Variants in MARS1 observed in about 807,000 individuals in gnomAD.
MARS1 encodes methionine--tRNA ligase, cytoplasmic.
Under a neutral mutation model 119.5 loss-of-function variants are expected in MARS1, and 80 were observed. The ratio of observed to expected loss-of-function variants is 0.67; its 90% CI spans 0.56 to 0.81. MARS1 has a LOEUF of 0.81. Among genes scored for constraint, MARS1 ranks in the 30% least tolerant of loss-of-function variants. MARS1 has a pLI of 0.00. For missense variants in MARS1, 945 were observed against 1,116.5 expected, an observed-to-expected ratio of 0.85 and a Z score of 2.19; for synonymous variants, 418 against 433.4, an observed-to-expected ratio of 0.96 and a Z score of 0.44.
chr12:57,498,119 T>C, intron 7 of MARS1, 38 bp from the exon 8 acceptor site: 1 of 1,359,632 alleles, frequency 7.4e-7, no homozygotes, highest in Non-Finnish European at 1.1e-6. Context: ...GACCCTCACA[T>C]CCCCCCATGC....
At chr12:57,493,478 A>ATAT (rs1353074433) in intron 7 of MARS1, among the ~76,000 whole-genome samples, 11 of 658 alleles carry the variant, frequency 0.017, 2 homozygotes, top group Admixed American at 0.083. Flanking sequence ...AATATATAAT[A>ATAT]TATAATATAT....
At chr12:57,493,032 A>G (rs1208352765) in intron 7 of MARS1, among the ~76,000 whole-genome samples, 3 of 151,936 alleles carry the variant, frequency 2.0e-5, no homozygotes, top group African/African-American at 7.3e-5. Flanking sequence ...CTCTTCTTGC[A>G]GAGAGGAGTT....
chr12:57,495,200 G>A (rs1192327392), intron 7 of MARS1, among the ~76,000 whole-genome samples: 1 of 150,418 alleles, frequency 6.6e-6, no homozygotes, highest in African/African-American at 2.4e-5. Context: ...GGATGGGGCG[G>A]CTGGCCAGGC....
In MARS1 at chr12:57,511,709, A is replaced by C. The variant is rs969557452; in HGVS notation, c.1380A>C (p.Arg460=). The C allele has an allele frequency of 2.5e-6, 4 of 1,614,214 alleles. No individual in the cohort carries two copies. Among genetic ancestry groups the C allele is most frequent in the Non-Finnish European group, 3.4e-6 (4 of 1,180,028 alleles). The change falls in exon 12 of 21, where the codon CGA becomes CGC. Residue 460 remains arginine, a synonymous_variant. Coordinates refer to ENST00000262027, the MANE Select transcript of MARS1 (RefSeq NM_004990.4). ...CTCCGTTATCTCAGCTGGAGAAGCGACTGGAGGAGTGGTTGGGGAGGACAT... is the reference window on the plus strand; with the variant it reads ...CTCCGTTATCTCAGCTGGAGAAGCGCCTGGAGGAGTGGTTGGGGAGGACAT... The part of the protein sequence containing the change: ...LFLDLPKLEK[R]LEEWLGRTLP...
Position 57,499,370 on chromosome 12 carries a change from C to T in MARS1, c.1091+747C>T, listed in dbSNP as rs553974627. 3.6e-3 allele frequency among the ~76,000 whole-genome samples: 475 copies of T among 133,072 alleles called. 2 individuals are homozygous for T. The highest frequency in any genetic ancestry group is 4.1e-3 in the Non-Finnish European group (261 of 63,972). The allele number at this position is 133,072 out of a possible 152,430, so 87.3% of individuals were successfully genotyped here. ...CAGCACTTTGGGAGGCCGAGGCGGGCGGATCACGAGGTCAGGAGATCGAGA... is the reference window on the plus strand; with the variant it reads ...CAGCACTTTGGGAGGCCGAGGCGGGTGGATCACGAGGTCAGGAGATCGAGA... On this transcript the variant is annotated intron_variant, in intron 9 of 20. Transcript: ENST00000262027.
chr12:57,494,788 G>A (rs928009278), intron 7 of MARS1, among the ~76,000 whole-genome samples: 23 of 152,078 alleles, frequency 1.5e-4, no homozygotes, highest in Non-Finnish European at 3.1e-4. Context: ...ACCCTGAGTG[G>A]ACACAGCACA....
In MARS1 at chr12:57,516,598, G is replaced by A; in HGVS notation, c.*17G>A. The A allele has an allele frequency of 6.4e-7, 1 of 1,559,248 alleles. No individual in the cohort carries two copies. The highest frequency in any genetic ancestry group is 1.2e-5 in the South Asian group (1 of 81,988). On this transcript the variant is annotated 3_prime_UTR_variant, in exon 21 of 21. Transcript: ENST00000262027. ...AAAAAGTAAAAGACCTTGGCTCATA[G>A]AAAGTCACTTTAATAGATAGGGACA...
Position 57,507,791 on chromosome 12 carries a change from C to T in MARS1, c.1368+3492C>T, listed in dbSNP as rs1241628095. On this transcript the variant is annotated intron_variant, in intron 11 of 20. Transcript: ENST00000262027. Reference sequence around the variant, plus strand: ...CTCCCTCCCGGACGGGGCGGCTGGCCGGGCGGAGGCTGACCCCCACCTCCC... The same window carrying T: ...CTCCCTCCCGGACGGGGCGGCTGGCTGGGCGGAGGCTGACCCCCACCTCCC... 1.7e-4 allele frequency among the ~76,000 whole-genome samples: 25 copies of T among 147,240 alleles called. No individual in the cohort carries two copies. The East Asian group carries it at 2.8e-3, about 16-fold the overall frequency.
At chr12:57,515,580 CTG>C in intron 18 of MARS1, 3 of 582,200 alleles carry the variant, frequency 5.2e-6, no homozygotes, top group Non-Finnish European at 9.1e-6. Context: ...TGAAGAAACA[CTG>C]TGATCACCTA....
At position 57,490,915 on chromosome 12, in the gene MARS1, T is replaced by C. The variant is rs559600689; in HGVS notation, c.770+271T>C. Among the ~76,000 whole-genome samples, 13 of 148,702 alleles carry C rather than the reference T, an allele frequency of 8.7e-5. 1 individual carries two copies. The highest frequency in any genetic ancestry group is 3.0e-4 in the African/African-American group (12 of 40,172). On this transcript the variant is annotated intron_variant, in intron 7 of 20. Transcript: ENST00000262027. The stretch of plus-strand genomic sequence containing the variant: ...TTTTGAGGCGGAGTTTCGCTCTTGT[T>C]GCCCAGGCTGGAGTGCATTGGCGCG...
chr12:57,489,403 C>T, intron 3 of MARS1, 21 bp from the exon 4 acceptor site: 1 of 1,614,168 alleles, frequency 6.2e-7, no homozygotes, highest in South Asian at 1.1e-5. Context: ...GCCATCCTGA[C>T]TCATGTCCCC....
At chr12:57,508,651 GAA>G (rs1428856716) in intron 11 of MARS1, among the ~76,000 whole-genome samples, 7 of 152,148 alleles carry the variant, frequency 4.6e-5, no homozygotes, top group Non-Finnish European at 7.4e-5. Flanking sequence ...GGAGACCGTG[GAA>G]AGAGAGGGAG....
intron 13 of MARS1, 28 bp from the exon 14 acceptor site, chr12:57,512,208 G>C: frequency 6.2e-7 from 1 of 1,606,868 alleles, no homozygotes; most frequent in Non-Finnish European, 8.5e-7. Flanking sequence ...GAGGTCTCAG[G>C]AAATCTCTCC....
chr12:57,493,077 CTT>C (rs1238145359), intron 7 of MARS1, among the ~76,000 whole-genome samples: 1 of 151,394 alleles, frequency 6.6e-6, no homozygotes. Context: ...GTGAGACAGT[CTT>C]AAGTGCTTCA....
Position 57,488,145 on chromosome 12 carries a change from G to A in MARS1, c.55G>A (p.Ala19Thr), listed in dbSNP as rs1398076435. The change falls in exon 1 of 21, where the codon GCC becomes ACC. Residue 19 changes from alanine to threonine, a missense_variant. Coordinates refer to ENST00000262027, the MANE Select transcript of MARS1 (RefSeq NM_004990.4). ...GGGTTGCTTGCCGGTGCTGGCCGCCGCCGGGAGAGCCCGGGGCAGAGCAGA... is the reference window on the plus strand; with the variant it reads ...GGGTTGCTTGCCGGTGCTGGCCGCCACCGGGAGAGCCCGGGGCAGAGCAGA... ...VPGCLPVLAA[A>T]GRARGRAEVL... 6.2e-7 allele frequency: 1 copy of A among 1,614,164 alleles called. No individual in the cohort carries two copies. Among genetic ancestry groups the A allele is most frequent in the Non-Finnish European group, 8.5e-7 (1 of 1,180,024 alleles).
At chr12:57,493,734 T>C (rs1307986871) in intron 7 of MARS1, among the ~76,000 whole-genome samples, 1 of 6,988 alleles carries the variant, frequency 1.4e-4, no homozygotes, top group Non-Finnish European at 2.1e-4. Flanking sequence ...TTATATTATA[T>C]AATATATATT....
intron 11 of MARS1, among the ~76,000 whole-genome samples, chr12:57,509,047 T>C (rs1329773368): frequency 6.6e-6 from 1 of 152,190 alleles, no homozygotes; most frequent in Non-Finnish European, 1.5e-5. Context: ...TAGTTAACTA[T>C]TTATTATCAG....
chr12:57,503,661 C>T (rs1271091057), intron 10 of MARS1, among the ~76,000 whole-genome samples: 1 of 151,984 alleles, frequency 6.6e-6, no homozygotes, highest in Non-Finnish European at 1.5e-5. Context: ...TCTGCCTCAG[C>T]CTCCCAAGTA....
rs757419812 is a variant in MARS1, at chr12:57,516,182, C to T, written c.2464-63C>T. 5 of 1,475,376 alleles carry T rather than the reference C, an allele frequency of 3.4e-6. No homozygotes were observed. In the Admixed American group the frequency reaches 6.7e-5, roughly 20 times the overall value. The allele number at this position is 1,475,376 out of a possible 1,614,324, so 91.4% of individuals were successfully genotyped here. ...AGGTAACCACTTTCCCTCTGAGATG[C>T]TGTATAAAACTGGAGGTTAGGGGAT... On this transcript the variant is annotated intron_variant, in intron 19 of 20. Transcript: ENST00000262027.
Sources: allele counts gnomAD v4.1 joint callset (sites outside exome capture counted in the v4.1 genomes callset), GRCh38; gene constraint gnomAD v4.1.1; transcripts MANE v1.5; gene names NCBI Gene and HGNC (gene_info 2026-07-23, HGNC 2026-07-21).